GREB1L: variants seen among roughly 807,000 people sequenced by gnomAD.
GREB1L encodes the protein GREB1 like retinoic acid receptor coactivator, also known as GREB1-like protein.
Under a neutral mutation model 200.8 loss-of-function variants are expected in GREB1L, and 17 were observed. The observed-to-expected ratio is 0.08, with a 90% confidence interval of 0.06 to 0.13. The LOEUF is 0.13. Among genes scored for constraint, GREB1L ranks in the 10% least tolerant of loss-of-function variants. GREB1L has a pLI of 1.00. For synonymous variants in GREB1L, 789 were observed against 893.0 expected (o/e 0.88, Z 2.08); for missense variants, 1,657 against 2,367.7 (o/e 0.70, Z 6.23).
chr18:21,305,148 G>A (rs1247982324), intron 1 of GREB1L, among the ~76,000 whole-genome samples: 3 of 151,984 alleles, frequency 2.0e-5, no homozygotes, highest in East Asian at 1.9e-4. Context: ...GATAATTTCT[G>A]TATTTTTAGT....
At chr18:21,366,259 T>G (rs2039676936) in intron 2 of GREB1L, 123 bp downstream of exon 2, 1 of 152,216 alleles carries the variant, frequency 6.6e-6, no homozygotes, top group South Asian at 2.1e-4. Flanking sequence ...GATACTTCCA[T>G]GAGCTCCTCT....
intron 15 of GREB1L, among the ~76,000 whole-genome samples, chr18:21,456,446 T>G (rs1190490189): frequency 3.3e-5 from 5 of 152,192 alleles, no homozygotes; most frequent in African/African-American, 1.2e-4. Context: ...GCTCCATAAA[T>G]ATATACTCCT....
chr18:21,381,049 T>C (rs190580534), intron 2 of GREB1L, among the ~76,000 whole-genome samples: 1 of 152,326 alleles, frequency 6.6e-6, no homozygotes, highest in Non-Finnish European at 1.5e-5. Context: ...GAGACCATCC[T>C]GGCTAACACA....
intron 1 of GREB1L, among the ~76,000 whole-genome samples, chr18:21,300,588 A>G (rs1339269502): frequency 6.6e-6 from 1 of 152,140 alleles, no homozygotes; most frequent in Non-Finnish European, 1.5e-5. Flanking sequence ...CTTTGATGTA[A>G]TTACGTTGTT....
intron 31 of GREB1L, among the ~76,000 whole-genome samples, chr18:21,519,332 G>A (rs1243708332): frequency 6.6e-6 from 1 of 151,984 alleles, no homozygotes; most frequent in Non-Finnish European, 1.5e-5. Context: ...GTGTGATGGC[G>A]CACGCCTGTA....
At chr18:21,462,343 C>G (rs2035078930) in intron 15 of GREB1L, among the ~76,000 whole-genome samples, 1 of 152,230 alleles carries the variant, frequency 6.6e-6, no homozygotes, top group African/African-American at 2.4e-5. Flanking sequence ...CTCATCACTT[C>G]TGACATTTTC....
rs142749009 is a variant in GREB1L, at chr18:21,370,976, G to A, written c.-10+4840G>A. On this transcript the variant is annotated intron_variant, in intron 2 of 32. Coordinates refer to ENST00000424526, the MANE Select transcript of GREB1L (RefSeq NM_001142966.3). ...TGCCTCTAGTCTCAGGTACTTGGGAGGCTGAGGCATGATGCAGGAGAATTG... is the reference window on the plus strand; with the variant it reads ...TGCCTCTAGTCTCAGGTACTTGGGAAGCTGAGGCATGATGCAGGAGAATTG... Among the ~76,000 whole-genome samples the A allele has an allele frequency of 1.9e-4, 29 of 152,244 alleles. No individual in the cohort carries two copies. In the South Asian group the frequency reaches 3.5e-3, roughly 19 times the overall value.
Position 21,477,304 on chromosome 18 carries a change from A to C in GREB1L, c.2504A>C (p.Gln835Pro). The C allele has an allele frequency of 6.4e-7, 1 of 1,551,680 alleles. No individual in the cohort carries two copies. Residue 835 changes from glutamine (Q) to proline (P), a missense_variant, in exon 17 of 33, where the codon CAG becomes CCG. Physicochemically the swap from Gln to Pro is moderately conservative, Grantham distance 76 (BLOSUM62 -1). Coordinates refer to ENST00000424526, the MANE Select transcript of GREB1L (RefSeq NM_001142966.3). ...TTCCCATACACTCTGCAGACCCAAC[A>C]GTCCCGCATTAGCTCTAGCAATGAG... Reference protein sequence around the residue: ...SSFPYTLQTQQSRISSSNEVH... With the variant: ...SSFPYTLQTQPSRISSSNEVH...
chr18:21,251,144 C>T (rs1017384277), intron 1 of GREB1L, among the ~76,000 whole-genome samples: 6 of 152,070 alleles, frequency 3.9e-5, no homozygotes, highest in Admixed American at 1.3e-4. Context: ...TGTAATGAGG[C>T]TCTATCTCTA....
chr18:21,403,568 T>A (rs1283159013), intron 6 of GREB1L, among the ~76,000 whole-genome samples: 3 of 152,190 alleles, frequency 2.0e-5, no homozygotes, highest in Non-Finnish European at 4.4e-5. Context: ...TGTTTTAACC[T>A]CTGTCTTACC....
intron 1 of GREB1L, among the ~76,000 whole-genome samples, chr18:21,258,772 G>A (rs962482497): frequency 6.2e-4 from 95 of 152,086 alleles, no homozygotes; most frequent in African/African-American, 2.1e-3. Flanking sequence ...TCCTTCGTGC[G>A]TGTTCAATTG....
At position 21,505,467 on chromosome 18, in the gene GREB1L, C is replaced by T. The variant is rs769353617; in HGVS notation, c.4128C>T (p.Ile1376=). ...SQSEGEPWPD[I]ESFSKMPFDV... is the part of the protein sequence containing the mutation. ...CAGAGGGAGAGCCCTGGCCTGACATCGAGAGCTTCAGTAAAATGCCTTTTG... is the reference window on the plus strand; with the variant it reads ...CAGAGGGAGAGCCCTGGCCTGACATTGAGAGCTTCAGTAAAATGCCTTTTG... Residue 1376 remains isoleucine (I), a synonymous_variant, in exon 24 of 33, where the codon ATC becomes ATT. Coordinates refer to ENST00000424526, the MANE Select transcript of GREB1L (RefSeq NM_001142966.3). 6 of 1,551,578 alleles carry T rather than the reference C, an allele frequency of 3.9e-6. No individual in the cohort carries two copies. The highest frequency in any genetic ancestry group is 3.9e-5 in the Admixed American group (2 of 50,982).
intron 15 of GREB1L, among the ~76,000 whole-genome samples, chr18:21,460,333 C>T (rs1179534739): frequency 1.3e-5 from 2 of 152,018 alleles, no homozygotes; most frequent in Non-Finnish European, 2.9e-5. Flanking sequence ...TGCCACCATG[C>T]CCAGCTAATT....
At chr18:21,475,926 G>A (rs1416447740) in intron 16 of GREB1L, among the ~76,000 whole-genome samples, 2 of 120,044 alleles carry the variant, frequency 1.7e-5, no homozygotes, top group Non-Finnish European at 3.2e-5. Context: ...CGGAGATTAT[G>A]CCACTGCACT....
At chr18:21,503,693 C>T (rs1296036375) in intron 23 of GREB1L, among the ~76,000 whole-genome samples, 4 of 151,950 alleles carry the variant, frequency 2.6e-5, no homozygotes, top group African/African-American at 9.7e-5. Context: ...TCTCCTGCCT[C>T]AGCCTCCCAA....
chr18:21,464,472 A>G (rs1288470901), intron 15 of GREB1L, among the ~76,000 whole-genome samples: 1 of 149,166 alleles, frequency 6.7e-6, no homozygotes, highest in African/African-American at 2.5e-5. Flanking sequence ...TGAATCCAAG[A>G]GGCAGAGGTT....
intron 18 of GREB1L, among the ~76,000 whole-genome samples, chr18:21,488,589 G>A (rs2036213303): frequency 1.3e-5 from 2 of 152,110 alleles, no homozygotes; most frequent in Non-Finnish European, 2.9e-5. Flanking sequence ...ATTCTACCAG[G>A]CTCCATGAGA....
intron 13 of GREB1L, 128 bp from the exon 14 acceptor site, chr18:21,451,955 T>C (rs1420186525): frequency 4.0e-6 from 3 of 756,264 alleles, no homozygotes; most frequent in Admixed American, 2.7e-5. Flanking sequence ...CAAGTGTAAA[T>C]GCTGATATGA....
rs1018645908 is a variant in GREB1L at position 21,524,720 on chromosome 18, T to TTAAG, written c.*1902_*1905dup. 31 of 152,286 alleles carry TTAAG rather than the reference T, an allele frequency of 2.0e-4. No individual in the cohort carries two copies. Among genetic ancestry groups the TTAAG allele is most frequent in the African/African-American group, 7.0e-4 (29 of 41,570 alleles). 9.4% of individuals were successfully genotyped at this position (152,286 alleles called of 1,614,324 possible). A position where few individuals can be genotyped will look rare whatever the true frequency, so the allele number is the denominator to read the frequency against. On this transcript the variant is annotated 3_prime_UTR_variant, in exon 33 of 33. Transcript: ENST00000424526. Reference sequence around the variant, plus strand: ...CTTCATAGTTTAAAGAACTTTTTTTTTAAGTAGTTACATCAGATGCAGGTA... The same window carrying TTAAG: ...CTTCATAGTTTAAAGAACTTTTTTTTTAAGTAAGTAGTTACATCAGATGCAGGTA...
Sources: allele counts gnomAD v4.1 joint callset (sites outside exome capture counted in the v4.1 genomes callset), GRCh38; gene constraint gnomAD v4.1.1; transcripts MANE v1.5; gene names NCBI Gene and HGNC (gene_info 2026-07-23, HGNC 2026-07-21).